THADA: variants seen among roughly 807,000 people sequenced by gnomAD.
THADA encodes the protein THADA armadillo repeat containing.
Under a neutral mutation model 219.8 loss-of-function variants are expected in THADA, and 213 were observed. The observed-to-expected ratio is 0.97, with a 90% CI of 0.87 to 1.09. The LOEUF is 1.09. THADA is among the 50% of genes least tolerant of loss of function. The probability of loss-of-function intolerance (pLI) is 0.00; values close to 1 mark genes in which losing one functional copy is unlikely to be tolerated. For missense variants in THADA, 2,956 were observed against 2,311.3 expected, an observed-to-expected ratio of 1.28 and a Z score of -5.72; for synonymous variants, 1,018 against 828.9, an observed-to-expected ratio of 1.23 and a Z score of -3.92.
chr2:43,534,354 T>G (rs572007175), intron 21 of THADA, among the ~76,000 whole-genome samples: 1 of 152,178 alleles, frequency 6.6e-6, no homozygotes, highest in South Asian at 2.1e-4. Flanking sequence ...TCTAGCTATT[T>G]GGAATTATTA....
Position 43,495,401 on chromosome 2 carries a change from TTATA to T in THADA, c.3744+3428_3744+3431del, listed in dbSNP as rs1018960329. 5.3e-5 allele frequency among the ~76,000 whole-genome samples: 8 copies of T among 152,132 alleles called. 1 individual carries two copies. The East Asian group carries it at 1.5e-3, about 29-fold the overall frequency. ...GAAATTAGAAAGAAAATAAAAACATTTATATATATTTATGCAGCCTTTTGTGGAT... is the reference window on the plus strand; with the variant it reads ...GAAATTAGAAAGAAAATAAAAACATTTATATTTATGCAGCCTTTTGTGGAT... On this transcript the variant is annotated intron_variant, in intron 25 of 37. Transcript: ENST00000405975.
intron 1 of THADA, among the ~76,000 whole-genome samples, chr2:43,595,496 C>CT (rs1043193440): frequency 2.6e-5 from 4 of 152,164 alleles, no homozygotes; most frequent in African/African-American, 9.7e-5. Flanking sequence ...ATTCTGAGGG[C>CT]TACACAAAAG....
intron 4 of THADA, among the ~76,000 whole-genome samples, chr2:43,588,467 AAAGAC>A (rs1214420045): frequency 6.6e-6 from 1 of 152,184 alleles, no homozygotes; most frequent in Non-Finnish European, 1.5e-5. Context: ...TGAGAAAGTT[AAAGAC>A]AAGTAACAAA....
intron 14 of THADA, among the ~76,000 whole-genome samples, chr2:43,569,933 A>G (rs1291594090): frequency 2.0e-5 from 3 of 152,134 alleles, no homozygotes; most frequent in Non-Finnish European, 4.4e-5. Flanking sequence ...CTACTCTTCA[A>G]GCTCACTCCA....
At chr2:43,447,577 T>TAAGAGG (rs904797135) in intron 26 of THADA, among the ~76,000 whole-genome samples, 1 of 152,166 alleles carries the variant, frequency 6.6e-6, no homozygotes, top group African/African-American at 2.4e-5. Flanking sequence ...ACACAAGAGT[T>TAAGAGG]AAGGCACTGC....
chr2:43,242,228 C>G (rs1668695190), intron 36 of THADA, among the ~76,000 whole-genome samples: 1 of 152,182 alleles, frequency 6.6e-6, no homozygotes, highest in Non-Finnish European at 1.5e-5. Flanking sequence ...TGGGTACTGC[C>G]CAGATACCAC....
intron 28 of THADA, among the ~76,000 whole-genome samples, chr2:43,400,854 G>C (rs1026082161): frequency 1.3e-5 from 2 of 152,116 alleles, no homozygotes; most frequent in African/African-American, 4.8e-5. Context: ...AGAGAATTAA[G>C]ACCATGTGGT....
At chr2:43,355,992 A>G (rs912528107) in intron 29 of THADA, among the ~76,000 whole-genome samples, 1 of 152,178 alleles carries the variant, frequency 6.6e-6, no homozygotes, top group African/African-American at 2.4e-5. Flanking sequence ...AGGACACAAA[A>G]ATAACCAATA....
Position 43,428,189 on chromosome 2 carries a change from T to A in THADA, c.3969A>T (p.Leu1323Phe), listed in dbSNP as rs1255197691. 6.2e-7 allele frequency: 1 copy of A among 1,607,678 alleles called. No homozygotes were observed. The highest frequency in any genetic ancestry group is 8.5e-7 in the Non-Finnish European group (1 of 1,176,500). Residue 1323 changes from leucine to phenylalanine, a missense_variant, in exon 28 of 38, where the codon TTA becomes TTT. By Grantham distance (22) the Leu-to-Phe change is conservative. Transcript: ENST00000405975. Reference protein sequence around the residue: ...EPNRHPSMFLLLLVLERLYAS... With the variant: ...EPNRHPSMFLFLLVLERLYAS... ...CGTAGAGTCTCTCCAACACCAAAAG[T>A]AAGAGAAACATGCTTGGATGACGAT...
At chr2:43,390,262 C>T (rs186912291) in intron 29 of THADA, among the ~76,000 whole-genome samples, 50 of 152,276 alleles carry the variant, frequency 3.3e-4, no homozygotes, top group Admixed American at 2.5e-3. Context: ...ATGACCACCT[C>T]GCTTTAGGGA....
chr2:43,333,127 G>A (rs1041145487), intron 30 of THADA: 2 of 152,166 alleles, frequency 1.3e-5, no homozygotes, highest in Admixed American at 1.3e-4. Flanking sequence ...TTGTAAAAGG[G>A]ATATTTAATG....
chr2:43,341,494 A>C (rs1018739005), intron 30 of THADA, among the ~76,000 whole-genome samples: 1 of 152,148 alleles, frequency 6.6e-6, no homozygotes. Context: ...AGCCATCTTC[A>C]GGCACTGCAC....
At chr2:43,306,569 G>A (rs572561970) in intron 31 of THADA, among the ~76,000 whole-genome samples, 1 of 152,258 alleles carries the variant, frequency 6.6e-6, no homozygotes, top group East Asian at 1.9e-4. Context: ...TCCCTTGCTA[G>A]TGCTACAATT....
intron 35 of THADA, among the ~76,000 whole-genome samples, chr2:43,282,450 T>C (rs1673470478): frequency 6.6e-6 from 1 of 152,228 alleles, no homozygotes; most frequent in South Asian, 2.1e-4. Flanking sequence ...GATCTCACTA[T>C]CTAAAAAACA....
chr2:43,261,524 G>A (rs1312461812), intron 36 of THADA, among the ~76,000 whole-genome samples: 1 of 151,672 alleles, frequency 6.6e-6, no homozygotes, highest in Admixed American at 6.6e-5. Context: ...GCAATGGCAC[G>A]ATCTTGGCTC....
chr2:43,318,392 A>C (rs942148799), intron 31 of THADA, among the ~76,000 whole-genome samples: 5 of 152,190 alleles, frequency 3.3e-5, no homozygotes, highest in African/African-American at 9.7e-5. Context: ...AATTTTGATA[A>C]TACATTTTAA....
chr2:43,495,003 A>G (rs1688089506), intron 25 of THADA, among the ~76,000 whole-genome samples: 1 of 152,236 alleles, frequency 6.6e-6, no homozygotes, highest in Non-Finnish European at 1.5e-5. Flanking sequence ...AATCAAGTCA[A>G]AAGTACAGAT....
At chr2:43,247,989 G>C (rs908999654) in intron 36 of THADA, among the ~76,000 whole-genome samples, 14 of 151,240 alleles carry the variant, frequency 9.3e-5, no homozygotes, top group African/African-American at 2.9e-4. Flanking sequence ...GCTGCAGTAA[G>C]CTGTGATCAC....
intron 22 of THADA, among the ~76,000 whole-genome samples, chr2:43,515,041 TA>T (rs1237118055): frequency 6.1e-5 from 2 of 32,780 alleles, no homozygotes; most frequent in African/African-American, 2.7e-4. Flanking sequence ...TATATATAAA[TA>T]TATATATTTT....
Sources: gnomAD v4.1 joint callset for allele counts (sites outside exome capture counted in the v4.1 genomes callset) on GRCh38, gnomAD v4.1.1 for gene constraint, MANE v1.5 for transcripts, NCBI Gene and HGNC (gene_info 2026-07-23, HGNC 2026-07-21) for gene names.